TMEM156: variants seen among roughly 807,000 people sequenced by gnomAD.
The protein encoded by TMEM156 is transmembrane protein 156.
A neutral mutation model predicts 30.5 loss-of-function variants in TMEM156; 28 were observed. That is an observed-to-expected ratio of 0.92 (90% CI 0.68 to 1.26). TMEM156 has a LOEUF of 1.26. TMEM156 is among the 50% of genes most tolerant of loss of function. The pLI is 0.00. For synonymous variants in TMEM156, 137 were observed against 119.9 expected (o/e 1.14, Z -0.93); for missense variants, 351 against 340.6 (o/e 1.03, Z -0.24).
At chr4:39,028,994 C>T (rs189479308) in intron 1 of TMEM156, among the ~76,000 whole-genome samples, 2 of 152,298 alleles carry the variant, frequency 1.3e-5, no homozygotes, top group African/African-American at 4.8e-5. Context: ...ATAGCTTATA[C>T]TGTGTAATTG....
At chr4:39,023,699 A>C (rs1425437676) in intron 1 of TMEM156, among the ~76,000 whole-genome samples, 1 of 151,686 alleles carries the variant, frequency 6.6e-6, no homozygotes, top group Non-Finnish European at 1.5e-5. Context: ...AAAAATAAAA[A>C]TAAAAAAATC....
intron 6 of TMEM156, among the ~76,000 whole-genome samples, chr4:38,970,001 T>C (rs1325262352): frequency 1.3e-5 from 2 of 152,244 alleles, no homozygotes; most frequent in Admixed American, 1.3e-4. Context: ...GTAGTGGCTA[T>C]ACTCTTCCTA....
intron 2 of TMEM156, 146 bp downstream of exon 2, chr4:38,998,494 A>G: frequency 8.2e-6 from 5 of 613,494 alleles, no homozygotes; most frequent in Non-Finnish European, 1.1e-5. Context: ...CAGTGAGCTG[A>G]GATTGCACCA....
chr4:39,031,793 G>C (rs1437543789), intron 1 of TMEM156, among the ~76,000 whole-genome samples: 2 of 149,444 alleles, frequency 1.3e-5, no homozygotes, highest in South Asian at 2.1e-4. Context: ...TGAGGCAGGA[G>C]AATTGCTTGA....
chr4:38,968,189 G>A (rs768392401), intron 6 of TMEM156, among the ~76,000 whole-genome samples: 2 of 152,180 alleles, frequency 1.3e-5, no homozygotes, highest in Non-Finnish European at 2.9e-5. Context: ...TGCTGCTACA[G>A]CATGTTTGGT....
At chr4:38,992,321 C>T (rs1388050435) in intron 3 of TMEM156, among the ~76,000 whole-genome samples, 1 of 151,950 alleles carries the variant, frequency 6.6e-6, no homozygotes, top group African/African-American at 2.4e-5. Context: ...CACTGCCTAG[C>T]ATACAGCAGG....
chr4:38,995,995 C>T (rs1712898235), intron 2 of TMEM156, among the ~76,000 whole-genome samples: 1 of 152,084 alleles, frequency 6.6e-6, no homozygotes, highest in Non-Finnish European at 1.5e-5. Flanking sequence ...AGGCAACCTA[C>T]AGAATGAGAG....
At chr4:38,968,910 G>T (rs953553747) in intron 6 of TMEM156, among the ~76,000 whole-genome samples, 8 of 152,152 alleles carry the variant, frequency 5.3e-5, no homozygotes, top group Non-Finnish European at 1.0e-4. Context: ...CCTCCGCTGG[G>T]CTCCAGTGCC....
At chr4:38,975,746 CT>C (rs1297969142) in intron 5 of TMEM156, among the ~76,000 whole-genome samples, 4 of 151,868 alleles carry the variant, frequency 2.6e-5, no homozygotes, top group African/African-American at 2.4e-5. Flanking sequence ...TCCCACCCCC[CT>C]GATGTGCAAT....
chr4:38,999,110 ATTTTTTT>A lies in TMEM156; in HGVS notation c.89-208_89-202del, dbSNP rs34889728. On this transcript the variant is annotated intron_variant, in intron 1 of 6. Coordinates refer to ENST00000381938, the MANE Select transcript of TMEM156 (RefSeq NM_024943.3). ...TCTATTTCATTATTTTTATTTATTT[ATTTTTTT>A]TTTTTTTTTTTTTTTTTGAGACTGG... Among the ~76,000 whole-genome samples the A allele has an allele frequency of 6.9e-3, 734 of 106,070 alleles. 8 individuals carry two copies. Among genetic ancestry groups the A allele is most frequent in the East Asian group, 0.041 (160 of 3,888 alleles). The allele number at this position is 106,070 out of a possible 152,430, so 69.6% of individuals were successfully genotyped here.
chr4:38,976,497 A>G (rs1371784053), intron 5 of TMEM156, among the ~76,000 whole-genome samples: 1 of 152,158 alleles, frequency 6.6e-6, no homozygotes, highest in Non-Finnish European at 1.5e-5. Context: ...CCAGATGGGA[A>G]TGCAGTCCAG....
At chr4:38,968,905 G>T (rs537721512) in intron 6 of TMEM156, among the ~76,000 whole-genome samples, 2 of 152,098 alleles carry the variant, frequency 1.3e-5, no homozygotes, top group South Asian at 4.1e-4. Context: ...AACTGCCTCC[G>T]CTGGGCTCCA....
intron 1 of TMEM156, among the ~76,000 whole-genome samples, 189 bp from the exon 2 acceptor site, chr4:38,999,098 T>TTTTATTTATTTA (rs1299764312): frequency 1.3e-4 from 15 of 111,448 alleles, no homozygotes; most frequent in African/African-American, 2.9e-4. Flanking sequence ...ATTTCATTAT[T>TTTTATTTATTTA]TTTATTTATT....
chr4:39,015,832 G>T (rs574796783), intron 1 of TMEM156, among the ~76,000 whole-genome samples: 1 of 152,100 alleles, frequency 6.6e-6, no homozygotes, highest in Non-Finnish European at 1.5e-5. Context: ...AGTCTCATGA[G>T]ATCTGATGGT....
intron 3 of TMEM156, among the ~76,000 whole-genome samples, chr4:38,990,672 T>C (rs1454611925): frequency 6.6e-6 from 1 of 152,034 alleles, no homozygotes; most frequent in African/African-American, 2.4e-5. Flanking sequence ...GACAGAAATC[T>C]GGGGGGAACA....
intron 1 of TMEM156, 88 bp from the exon 2 acceptor site, chr4:38,998,997 T>C: frequency 8.5e-7 from 1 of 1,182,830 alleles, no homozygotes. Context: ...TCCCAGTTTT[T>C]CTTAGGTGGA....
rs143927392 is a variant in TMEM156 at position 39,005,902 on chromosome 4, C to A, written c.89-6993G>T. Among the ~76,000 whole-genome samples the A allele has an allele frequency of 2.0e-4, 30 of 152,096 alleles. No individual in the cohort carries two copies. In the East Asian group the frequency reaches 5.6e-3, roughly 28 times the overall value. On this transcript the variant is annotated intron_variant, in intron 1 of 6. Coordinates refer to ENST00000381938, the MANE Select transcript of TMEM156 (RefSeq NM_024943.3). ...TTCCCACCCGCAGTGTATAAAAATT[C>A]TTTTTCTTTTTTGAGTCAGACTCTC...
intron 1 of TMEM156, among the ~76,000 whole-genome samples, chr4:39,031,905 A>AAAAAAAAAAAAAAAAAAAAC (rs60499521): frequency 7.7e-6 from 1 of 129,254 alleles, no homozygotes; most frequent in Non-Finnish European, 1.6e-5. Flanking sequence ...AAATAAAAAA[A>AAAAAAAAAAAAAAAAAAAAC]TAAAAAAAAA....
chr4:38,999,123 T>TA (rs1713154771), intron 1 of TMEM156, among the ~76,000 whole-genome samples: 2 of 125,936 alleles, frequency 1.6e-5, no homozygotes, highest in Non-Finnish European at 3.5e-5. Context: ...TTTTTTTTTT[T>TA]TTTTTTTTTT....
Sources: gnomAD v4.1 joint callset for allele counts (sites outside exome capture counted in the v4.1 genomes callset) on GRCh38, gnomAD v4.1.1 for gene constraint, MANE v1.5 for transcripts, NCBI Gene and HGNC (gene_info 2026-07-23, HGNC 2026-07-21) for gene names.